C2: variants seen among roughly 807,000 people sequenced by gnomAD.
C2 encodes the protein complement C2.
Under a neutral mutation model 85.2 loss-of-function variants are expected in C2, and 64 were observed. The ratio of observed to expected loss-of-function variants is 0.75; its 90% CI spans 0.61 to 0.92. The LOEUF (loss-of-function observed/expected upper bound fraction) is 0.92, where lower values mean the gene tolerates loss of function less well. Ranked by LOEUF, C2 falls within the 40% of genes least tolerant of loss-of-function variation. The probability of loss-of-function intolerance (pLI) is 0.00; values close to 1 mark genes in which losing one functional copy is unlikely to be tolerated. For missense variants in C2, 820 were observed against 971.6 expected, an observed-to-expected ratio of 0.84 and a Z score of 2.07; for synonymous variants, 311 against 370.8, an observed-to-expected ratio of 0.84 and a Z score of 1.85.
intron 3 of C2, among the ~76,000 whole-genome samples, chr6:31,931,959 C>T (rs1769817872): frequency 7.2e-6 from 1 of 138,244 alleles, no homozygotes; most frequent in African/African-American, 2.6e-5. Context: ...CCCCACCTCC[C>T]TCCCGGACGG....
chr6:31,945,071 C>G lies in C2; in HGVS notation c.2079+42C>G, dbSNP rs1344113487. On this transcript the variant is annotated intron_variant, in intron 17 of 17. Transcript: ENST00000299367. The surrounding 1 kb of genome is among the most constrained non-coding windows in gnomAD (Gnocchi z 5.3). Reference sequence around the variant, plus strand: ...TTGCAGGACCCAGGGGTTACAGGATCTCAGCCTTGTTGGGGGGATGAGGGA... The same window carrying G: ...TTGCAGGACCCAGGGGTTACAGGATGTCAGCCTTGTTGGGGGGATGAGGGA... 3.1e-6 allele frequency: 5 copies of G among 1,612,174 alleles called. No homozygotes were observed. The South Asian group carries it at 4.4e-5, about 14-fold the overall frequency.
upstream of C2, among the ~76,000 whole-genome samples, chr6:31,898,387 C>T (rs535374954): frequency 3.9e-5 from 6 of 152,234 alleles, no homozygotes; most frequent in South Asian, 8.3e-4. Flanking sequence ...CATAGCCCAG[C>T]GGACAATTTA....
chr6:31,913,297 T>C (rs1562559508), intron 1 of C2, among the ~76,000 whole-genome samples: 2 of 151,524 alleles, frequency 1.3e-5, no homozygotes, highest in African/African-American at 2.4e-5. Context: ...ACATCTTGGC[T>C]GGGCACAGTG....
chr6:31,942,852 C>A, intron 9 of C2, 107 bp from the exon 10 acceptor site: 1 of 1,413,706 alleles, frequency 7.1e-7, no homozygotes. Flanking sequence ...AGGGGTCCAG[C>A]TCATGTAGGT....
intron 1 of C2, among the ~76,000 whole-genome samples, chr6:31,911,096 C>G (rs562579116): frequency 1.3e-5 from 2 of 152,076 alleles, no homozygotes; most frequent in African/African-American, 4.8e-5. Flanking sequence ...GTCAGGAGTT[C>G]GAGACCAGCC....
At position 31,908,157 on chromosome 6, in the gene C2, T is replaced by C. The variant is rs117930498; in HGVS notation, c.73+7018T>C. Among the ~76,000 whole-genome samples the C allele has an allele frequency of 6.8e-3, 1,024 of 151,314 alleles. 45 individuals are homozygous for C. Among genetic ancestry groups the C allele is most frequent in the Admixed American group, 0.053 (800 of 15,166 alleles). ...CGCAGCACCCGGCCATTTTTTTTTT[T>C]TTTTTAATTAAAAGTGGCAAGACTG... On this transcript the variant is annotated intron_variant, in intron 1 of 3. Transcript: ENST00000452202.
At chr6:31,902,614 C>G (rs1375690442) in intron 1 of C2, among the ~76,000 whole-genome samples, 1 of 152,234 alleles carries the variant, frequency 6.6e-6, no homozygotes, top group Non-Finnish European at 1.5e-5. Flanking sequence ...CAGACACATT[C>G]CCAGGCTTTT....
In C2 at chr6:31,943,257, G is replaced by C. The variant is rs747131588; in HGVS notation, c.1393G>C (p.Val465Leu). 1.7e-5 allele frequency: 27 copies of C among 1,612,950 alleles called. No individual in the cohort carries two copies. Among genetic ancestry groups the C allele is most frequent in the Non-Finnish European group, 2.2e-5 (26 of 1,180,026 alleles). ...VSKLTDTICG[V>L]GNMSANASDQ... ...CAAGCTCACAGACACCATCTGCGGG[G>C]TGGGGAACATGTCAGCAAACGCCTC... Residue 465 changes from valine to leucine, a missense_variant, in exon 11 of 18, where the codon GTG becomes CTG. Physicochemically the swap from Val to Leu is conservative, Grantham distance 32. Transcript: ENST00000299367. The surrounding 1 kb of genome is among the most constrained non-coding windows in gnomAD (Gnocchi z 6.4).
At chr6:31,942,908 G>C (rs1770996482) in intron 9 of C2, 51 bp from the exon 10 acceptor site, 1 of 1,609,986 alleles carries the variant, frequency 6.2e-7, no homozygotes, top group African/African-American at 1.3e-5. Context: ...CCTGTCTCAT[G>C]GGGTAGCCCC....
At position 31,935,032 on chromosome 6, in the gene C2, A is replaced by G; in HGVS notation, c.849+733A>G. ...TCAAAAAAATAAATAAAATAAAATAAAATAAAATAAAATATGTGTGATAGA... is the reference window on the plus strand; with the variant it reads ...TCAAAAAAATAAATAAAATAAAATAGAATAAAATAAAATATGTGTGATAGA... On this transcript the variant is annotated intron_variant, in intron 6 of 17. Transcript: ENST00000299367. This position sits in a 1 kb window ranked among gnomAD's most constrained non-coding sequence, Gnocchi z 4.3. The G allele has an allele frequency of 1.1e-6, 1 of 902,210 alleles. No individual in the cohort carries two copies. The highest frequency in any genetic ancestry group is 1.3e-6 in the Non-Finnish European group (1 of 754,100). 55.9% of individuals were successfully genotyped at this position (902,210 alleles called of 1,614,324 possible). A position where few individuals can be genotyped will look rare whatever the true frequency, so the allele number is the denominator to read the frequency against.
intron 1 of C2, among the ~76,000 whole-genome samples, chr6:31,902,436 G>A (rs1767420132): frequency 6.6e-6 from 1 of 152,066 alleles, no homozygotes; most frequent in Non-Finnish European, 1.5e-5. Context: ...GGCTGCGGGC[G>A]CTGCCACCTG....
In C2 at chr6:31,928,097, G is replaced by C. The variant is rs751453267; in HGVS notation, c.189G>C (p.Leu63=). Residue 63 remains leucine, a synonymous_variant, in exon 2 of 18, where the codon CTG becomes CTC. Transcript: ENST00000299367. ...TGTACCCATCCCCAGCATCACGGCTGTGCAAGAGCAGCGGACAGTGGCAGA... is the reference window on the plus strand; with the variant it reads ...TGTACCCATCCCCAGCATCACGGCTCTGCAAGAGCAGCGGACAGTGGCAGA... ...QGLYPSPASR[L]CKSSGQWQTP... The C allele has an allele frequency of 5.0e-6, 8 of 1,613,928 alleles. No individual in the cohort carries two copies. Among genetic ancestry groups the C allele is most frequent in the Non-Finnish European group, 6.8e-6 (8 of 1,180,032 alleles).
intron 1 of C2, chr6:31,901,372 G>C: frequency 6.7e-7 from 1 of 1,501,848 alleles, no homozygotes; most frequent in Non-Finnish European, 8.9e-7. Flanking sequence ...CTGGCTCTCC[G>C]AAGCCAAGGC....
At position 31,944,568 on chromosome 6, in the gene C2, A is replaced by G. The variant is rs923246587; in HGVS notation, c.1903-159A>G. 4.6e-5 allele frequency among the ~76,000 whole-genome samples: 7 copies of G among 152,060 alleles called. No individual in the cohort carries two copies. The highest frequency in any genetic ancestry group is 1.3e-4 in the Admixed American group (2 of 15,264). On this transcript the variant is annotated intron_variant, in intron 15 of 17. Coordinates refer to ENST00000299367, the MANE Select transcript of C2 (RefSeq NM_000063.6). The surrounding 1 kb of genome is among the most constrained non-coding windows in gnomAD (Gnocchi z 5.1). ...GCTAATTTTTGTATTTTTAGTAGAG[A>G]CGGGATTTCGCCATGTTGGCCAGGA... is the stretch of plus-strand genomic sequence containing the variant.
upstream of C2, among the ~76,000 whole-genome samples, chr6:31,915,309 G>T (rs1459363621): frequency 6.6e-6 from 1 of 152,100 alleles, no homozygotes; most frequent in East Asian, 1.9e-4. Flanking sequence ...GCCCTGAAAG[G>T]TCCTGAACTT....
At chr6:31,900,314 T>C, upstream of C2, 1 of 1,611,806 alleles carries the variant, frequency 6.2e-7, no homozygotes, top group Non-Finnish European at 8.5e-7. This position sits in a 1 kb window ranked among gnomAD's most constrained non-coding sequence, Gnocchi z 9.7. Context: ...CTTGATGTTC[T>C]TTAAGGGGTT....
rs1771308933 is a variant in C2 at position 31,945,323 on chromosome 6, AC to A, written c.2227del (p.Leu743TrpfsTer5). On this transcript the variant is annotated frameshift_variant, in exon 18 of 18. Transcript: ENST00000299367. LOFTEE classifies it high-confidence loss of function. This position sits in a 1 kb window ranked among gnomAD's most constrained non-coding sequence, Gnocchi z 5.3. ...LFRMQPWLRQHLGDVLNFLPL is the reference protein window; with the variant it reads ...LFRMQPWLRQXLGDVLNFLPL Reference sequence around the variant, plus strand: ...CGCATGCAGCCCTGGCTGAGGCAGCACCTGGGGGATGTCCTGAATTTTTTAC... The same window carrying A: ...CGCATGCAGCCCTGGCTGAGGCAGCACTGGGGGATGTCCTGAATTTTTTAC... 1 of 1,612,816 alleles carries A rather than the reference AC, an allele frequency of 6.2e-7. No homozygotes were observed. The highest frequency in any genetic ancestry group is 1.3e-5 in the African/African-American group (1 of 74,878).
chr6:31,925,856 C>G (rs1562579338), upstream of C2, among the ~76,000 whole-genome samples: 1 of 152,144 alleles, frequency 6.6e-6, no homozygotes, highest in Non-Finnish European at 1.5e-5. Context: ...GTTTATTTCT[C>G]TCTTGTAACA....
chr6:31,916,432 GC>G (rs1768506589), upstream of C2, among the ~76,000 whole-genome samples: 1 of 152,076 alleles, frequency 6.6e-6, no homozygotes. Flanking sequence ...GGTGGCATGT[GC>G]CTGTCATCCC....
Sources: gnomAD v4.1 joint callset for allele counts (sites outside exome capture counted in the v4.1 genomes callset) on GRCh38, gnomAD v4.1.1 for gene constraint, Gnocchi (gnomAD v3.1) non-coding constraint, MANE v1.5 for transcripts, NCBI Gene and HGNC (gene_info 2026-07-23, HGNC 2026-07-21) for gene names.